VSTM2A: variants seen among roughly 807,000 people sequenced by gnomAD.
VSTM2A encodes the protein V-set and transmembrane domain containing 2A.
In VSTM2A, 13 loss-of-function variants were observed where a neutral mutation model predicts 27.3. That is an observed-to-expected ratio of 0.48 (90% CI 0.31 to 0.76). The LOEUF is 0.76. Among genes scored for constraint, VSTM2A ranks in the 30% least tolerant of loss-of-function variants. The pLI is 0.05. For synonymous variants in VSTM2A, 142 were observed against 125.7 expected (o/e 1.13, Z -0.87); for missense variants, 280 against 310.0 (o/e 0.90, Z 0.73).
intron 4 of VSTM2A, chr7:54,557,138 C>T (rs1178328262): frequency 6.6e-6 from 1 of 152,294 alleles, no homozygotes; most frequent in Non-Finnish European, 1.5e-5. Flanking sequence ...TAGGCTGAAC[C>T]AGTGCCTTCA....
At chr7:54,567,721 A>G (rs984044685) in intron 4 of VSTM2A, among the ~76,000 whole-genome samples, 4 of 152,242 alleles carry the variant, frequency 2.6e-5, no homozygotes, top group Admixed American at 6.5e-5. Context: ...GAAATCAAGT[A>G]CTATTGCCTA....
intron 4 of VSTM2A, chr7:54,550,548 T>C: frequency 3.2e-6 from 1 of 309,568 alleles, no homozygotes. Context: ...GGCTTTCACT[T>C]AATCAAAATG....
In VSTM2A at chr7:54,570,063, G is replaced by A. The variant is rs1307523863; in HGVS notation, c.*844G>A. 1 of 152,074 alleles carries A rather than the reference G, an allele frequency of 6.6e-6. No homozygotes were observed. Among genetic ancestry groups the A allele is most frequent in the Non-Finnish European group, 1.5e-5 (1 of 68,014 alleles). The allele number at this position is 152,074 out of a possible 1,614,324, so 9.4% of individuals were successfully genotyped here. A position where few individuals can be genotyped will look rare whatever the true frequency, so the allele number is the denominator to read the frequency against. On this transcript the variant is annotated 3_prime_UTR_variant, in exon 5 of 5. Transcript: ENST00000402613. ...TTCCACAGGTTTGACAGCTGCAGAT[G>A]GTCTCTATTGTCCTCTGCTTCATTC...
chr7:54,565,771 T>C (rs958057399), intron 4 of VSTM2A, among the ~76,000 whole-genome samples: 2 of 152,242 alleles, frequency 1.3e-5, no homozygotes, highest in Non-Finnish European at 2.9e-5. Flanking sequence ...TGCTTTCTTT[T>C]TGTAATGAAA....
chr7:54,552,484 T>A (rs1020623518), intron 4 of VSTM2A: 2 of 152,170 alleles, frequency 1.3e-5, no homozygotes, highest in Admixed American at 1.3e-4. Flanking sequence ...ATTTATGATT[T>A]TTGCCTCACG....
At position 54,544,756 on chromosome 7, in the gene VSTM2A, C is replaced by T. The variant is rs1458895458; in HGVS notation, c.214C>T (p.Leu72=). The T allele has an allele frequency of 1.2e-6, 2 of 1,611,944 alleles. No homozygotes were observed. The highest frequency in any genetic ancestry group is 2.2e-5 in the East Asian group (1 of 44,806). The change falls in exon 2 of 5, where the codon CTG becomes TTG. Residue 72 remains leucine, a synonymous_variant. Transcript: ENST00000402613. ...QWWFLRGPED[L]DPGAEGAGAQ... ...GTGGTTCCTGCGGGGGCCGGAGGAC[C>T]TGGATCCCGGGGCCGAGGGGGCCGG...
intron 1 of VSTM2A, among the ~76,000 whole-genome samples, chr7:54,544,377 T>C (rs1283913938): frequency 6.6e-6 from 1 of 152,228 alleles, no homozygotes; most frequent in Non-Finnish European, 1.5e-5. Context: ...TAAGAGTTAT[T>C]GGCAAGCTTG....
At chr7:54,561,421 A>T (rs887766257) in intron 4 of VSTM2A, among the ~76,000 whole-genome samples, 2 of 152,224 alleles carry the variant, frequency 1.3e-5, no homozygotes, top group African/African-American at 4.8e-5. Context: ...AGCAATGGTC[A>T]GAAAAGATTA....
At chr7:54,554,119 C>T (rs1346800457) in intron 4 of VSTM2A, 6 of 1,546,954 alleles carry the variant, frequency 3.9e-6, no homozygotes, top group Non-Finnish European at 5.2e-6. Flanking sequence ...TCATGCAAGT[C>T]ACTGGTGTCT....
intron 4 of VSTM2A, among the ~76,000 whole-genome samples, chr7:54,562,700 C>T (rs1264540475): frequency 1.3e-5 from 2 of 152,158 alleles, no homozygotes; most frequent in Non-Finnish European, 2.9e-5. Context: ...GAAAGGACAC[C>T]AGTGCACATG....
At chr7:54,556,681 G>A (rs1024942993) in intron 4 of VSTM2A, among the ~76,000 whole-genome samples, 1 of 152,202 alleles carries the variant, frequency 6.6e-6, no homozygotes, top group Non-Finnish European at 1.5e-5. Flanking sequence ...ATAAGGGAAT[G>A]ATTTGGATAA....
intron 4 of VSTM2A, among the ~76,000 whole-genome samples, chr7:54,556,674 A>G (rs771489665): frequency 1.3e-5 from 2 of 152,222 alleles, no homozygotes; most frequent in African/African-American, 4.8e-5. Flanking sequence ...AATAGATATA[A>G]GGGAATGATT....
rs1455122343 is a variant in VSTM2A, at chr7:54,544,769, C to A, written c.227C>A (p.Ala76Asp). ...GGGCCGGAGGACCTGGATCCCGGGG[C>A]CGAGGGGGCCGGCGCGCAGGTAGCG... ...LRGPEDLDPG[A>D]EGAGAQVELL... Residue 76 changes from alanine (A) to aspartate (D), a missense_variant, in exon 2 of 5, where the codon GCC becomes GAC. Transcript: ENST00000402613. The A allele has an allele frequency of 7.5e-6, 12 of 1,609,220 alleles. No homozygotes were observed. The highest frequency in any genetic ancestry group is 9.3e-6 in the Non-Finnish European group (11 of 1,178,262).
chr7:54,542,391 C>G lies in VSTM2A; in HGVS notation c.-340C>G, dbSNP rs1379582618. On this transcript the variant is annotated 5_prime_UTR_variant, in exon 1 of 5. Coordinates refer to ENST00000402613, the MANE Select transcript of VSTM2A (RefSeq NM_001301009.2). ...CCACTCCCCACTTCCCGAGCCGGCT[C>G]CGTGTTTAGGGAGGGCAGTGATCAC... 8.2e-6 allele frequency: 3 copies of G among 363,692 alleles called. No homozygotes were observed. The highest frequency in any genetic ancestry group is 2.1e-5 in the African/African-American group (1 of 47,744). The allele number at this position is 363,692 out of a possible 1,614,324, so 22.5% of individuals were successfully genotyped here. A position where few individuals can be genotyped will look rare whatever the true frequency, so the allele number is the denominator to read the frequency against.
intron 4 of VSTM2A, among the ~76,000 whole-genome samples, chr7:54,561,293 C>T (rs533482522): frequency 2.6e-5 from 4 of 152,136 alleles, no homozygotes; most frequent in South Asian, 4.1e-4. Flanking sequence ...TAGAAAGTTA[C>T]GTTTTGGTTT....
intron 4 of VSTM2A, among the ~76,000 whole-genome samples, chr7:54,560,400 A>AT (rs376633362): frequency 8.5e-5 from 13 of 152,114 alleles, no homozygotes; most frequent in African/African-American, 3.1e-4. Flanking sequence ...ATCTTGATGA[A>AT]TTCATATTGA....
intron 4 of VSTM2A, among the ~76,000 whole-genome samples, chr7:54,565,378 C>A (rs1240603466): frequency 6.6e-6 from 1 of 152,180 alleles, no homozygotes; most frequent in African/African-American, 2.4e-5. Context: ...TAGGTTCAGC[C>A]GTTTTGGAGG....
At position 54,569,384 on chromosome 7, in the gene VSTM2A, T is replaced by C; in HGVS notation, c.*165T>C. ...AGCAAGATCTATTTTTTCCCTTTTC[T>C]TTCGGCGACTAAAATCATCTCACTG... On this transcript the variant is annotated 3_prime_UTR_variant, in exon 5 of 5. Coordinates refer to ENST00000402613, the MANE Select transcript of VSTM2A (RefSeq NM_001301009.2). The C allele has an allele frequency of 8.0e-7, 1 of 1,257,652 alleles. No individual in the cohort carries two copies. Among genetic ancestry groups the C allele is most frequent in the Middle Eastern group, 2.8e-4 (1 of 3,576 alleles). 77.9% of individuals were successfully genotyped at this position (1,257,652 alleles called of 1,614,324 possible). A position where few individuals can be genotyped will look rare whatever the true frequency, so the allele number is the denominator to read the frequency against.
intron 4 of VSTM2A, 65 bp downstream of exon 4, chr7:54,550,235 G>A (rs758488970): frequency 1.2e-5 from 19 of 1,548,838 alleles, no homozygotes; most frequent in East Asian, 4.9e-5. Context: ...AAGGTCAGTC[G>A]TATAGAGTAG....
Sources: gnomAD v4.1 joint callset for allele counts (sites outside exome capture counted in the v4.1 genomes callset) on GRCh38, gnomAD v4.1.1 for gene constraint, MANE v1.5 for transcripts, NCBI Gene and HGNC (gene_info 2026-07-23, HGNC 2026-07-21) for gene names.